COL4A5: variants seen among roughly 807,000 people sequenced by gnomAD.
COL4A5 encodes collagen alpha-5(IV) chain.
In COL4A5, 26 loss-of-function variants were observed where a neutral mutation model predicts 130.2. The ratio of observed to expected loss-of-function variants is 0.20; its 90% CI spans 0.15 to 0.28. The LOEUF is 0.28. Among genes scored for constraint, COL4A5 ranks in the 10% least tolerant of loss-of-function variants. The pLI, the probability that COL4A5 is intolerant of heterozygous loss-of-function variation, is 1.00. For synonymous variants in COL4A5, 496 were observed against 439.6 expected (o/e 1.13, Z -1.60); for missense variants, 1,131 against 1,344.3 (o/e 0.84, Z 2.48).
At chrX:108,551,579 T>C (rs1171219095) in intron 2 of COL4A5, among the ~76,000 whole-genome samples, 5 of 112,397 alleles carry the variant, frequency 4.4e-5, no homozygotes, top group Non-Finnish European at 7.5e-5. Flanking sequence ...GGTGTAAATT[T>C]AAATTAGTTC....
At chrX:108,572,370 C>T (rs1168941097) in intron 8 of COL4A5, among the ~76,000 whole-genome samples, 1 of 111,775 alleles carries the variant, frequency 8.9e-6, no homozygotes, top group African/African-American at 3.3e-5. Flanking sequence ...TATTCATCAG[C>T]CTCTCTGACA....
chrX:108,547,457 C>T (rs1332258470), intron 2 of COL4A5, among the ~76,000 whole-genome samples: 3 of 111,595 alleles, frequency 2.7e-5, no homozygotes, highest in Non-Finnish European at 3.8e-5. Context: ...ACTGCCTGAT[C>T]GTTCCTCTGG....
At chrX:108,531,440 A>T (rs1164889811) in intron 1 of COL4A5, among the ~76,000 whole-genome samples, 1 of 110,314 alleles carries the variant, frequency 9.1e-6, no homozygotes, top group Non-Finnish European at 1.9e-5. Context: ...CACAACATAC[A>T]TATTCAGCAA....
intron 2 of COL4A5, among the ~76,000 whole-genome samples, chrX:108,554,363 G>A (rs190546051): frequency 9.9e-5 from 11 of 111,440 alleles, no homozygotes; most frequent in South Asian, 3.8e-4. Context: ...GAGGAGCAAA[G>A]AGGGAAGAGC....
chrX:108,670,202 C>A (rs749890543), intron 41 of COL4A5, 26 bp from the exon 42 acceptor site: 3 of 1,205,717 alleles, frequency 2.5e-6, no homozygotes, highest in African/African-American at 3.5e-5. Context: ...GACATTGGGC[C>A]TTGGTGAACT....
intron 2 of COL4A5, among the ~76,000 whole-genome samples, chrX:108,543,651 A>G (rs1300090422): frequency 9.0e-6 from 1 of 111,532 alleles, no homozygotes; most frequent in East Asian, 2.8e-4. Context: ...GAAGAAAGTC[A>G]TTGGTAGCTT....
chrX:108,606,034 C>T (rs975891681), intron 28 of COL4A5, among the ~76,000 whole-genome samples: 5 of 111,705 alleles, frequency 4.5e-5, no homozygotes, highest in South Asian at 3.7e-4. Context: ...TATATTTTAT[C>T]TCTGCGTCAT....
chrX:108,515,572 G>GTT (rs200118582), intron 1 of COL4A5, among the ~76,000 whole-genome samples: 7 of 106,773 alleles, frequency 6.6e-5, no homozygotes, highest in Non-Finnish European at 3.9e-5. Flanking sequence ...TTAAAGGACA[G>GTT]TTTTTTTTTT....
chrX:108,623,226 C>T (rs28498430), intron 33 of COL4A5, among the ~76,000 whole-genome samples: 11,689 of 110,137 alleles, frequency 0.11, 1,306 homozygotes, highest in African/African-American at 0.35. Context: ...TGGTACATTG[C>T]TGTACTGCAG....
At chrX:108,646,837 A>C (rs1361609468) in intron 36 of COL4A5, among the ~76,000 whole-genome samples, 5 of 111,099 alleles carry the variant, frequency 4.5e-5, no homozygotes, top group Non-Finnish European at 9.4e-5. Context: ...TTAAATAGGG[A>C]ATCCTTTCCC....
chrX:108,466,324 C>A (rs1001764674), intron 1 of COL4A5, among the ~76,000 whole-genome samples: 1 of 111,944 alleles, frequency 8.9e-6, no homozygotes, highest in African/African-American at 3.2e-5. Flanking sequence ...AACCACCAGA[C>A]TATTTTCCTT....
intron 1 of COL4A5, among the ~76,000 whole-genome samples, chrX:108,460,656 ATTTTTTTTTT>A (rs751991149): frequency 2.5e-4 from 10 of 39,446 alleles, no homozygotes; most frequent in Non-Finnish European, 4.0e-4. Flanking sequence ...CGCCTGGCAA[ATTTTTTTTTT>A]TTTTTTTTTT....
chrX:108,681,672 C>CA, intron 46 of COL4A5, 88 bp from the exon 47 acceptor site: 1 of 1,144,839 alleles, frequency 8.7e-7, no homozygotes, highest in Non-Finnish European at 1.2e-6. Context: ...TCTCTCACAC[C>CA]AATTTTTGTC....
chrX:108,532,088 G>A (rs371094224), intron 1 of COL4A5, among the ~76,000 whole-genome samples: 1 of 111,312 alleles, frequency 9.0e-6, no homozygotes, highest in Admixed American at 9.5e-5. Context: ...TTCATTCCTC[G>A]AGGACAGCAT....
chrX:108,478,178 G>T (rs929796726), intron 1 of COL4A5, among the ~76,000 whole-genome samples: 15 of 111,210 alleles, frequency 1.3e-4, no homozygotes, highest in Admixed American at 1.2e-3. Flanking sequence ...TGATAGTATG[G>T]GTCAGTCACC....
intron 25 of COL4A5, among the ~76,000 whole-genome samples, chrX:108,599,474 T>G (rs182058859): frequency 5.8e-4 from 65 of 111,653 alleles, no homozygotes; most frequent in Non-Finnish European, 9.2e-4. Context: ...TGTGTGTGTG[T>G]GTGTTACAGT....
At chrX:108,452,735 TG>T (rs1172551001) in intron 1 of COL4A5, among the ~76,000 whole-genome samples, 2 of 111,931 alleles carry the variant, frequency 1.8e-5, no homozygotes, top group Non-Finnish European at 3.8e-5. Context: ...GCTGAGATGA[TG>T]GGGTTTTCTA....
chrX:108,677,144 C>T (rs2068319046), intron 43 of COL4A5: 1 of 116,766 alleles, frequency 8.6e-6, no homozygotes, highest in Admixed American at 9.1e-5. Flanking sequence ...ATGCATGCTC[C>T]AATTTGAGAA....
intron 29 of COL4A5, among the ~76,000 whole-genome samples, chrX:108,608,638 T>C (rs1603294262): frequency 1.8e-5 from 2 of 111,793 alleles, no homozygotes; most frequent in South Asian, 3.7e-4. Flanking sequence ...TAAAATTCCA[T>C]AGCTGTATAT....
Sources: gnomAD v4.1 joint callset for allele counts (sites outside exome capture counted in the v4.1 genomes callset) on GRCh38, gnomAD v4.1.1 for gene constraint, MANE v1.5 for transcripts, NCBI Gene and HGNC (gene_info 2026-07-23, HGNC 2026-07-21) for gene names.